KCNJ3: variants seen among roughly 807,000 people sequenced by gnomAD.
KCNJ3 encodes G protein-activated inward rectifier potassium channel 1.
Under a neutral mutation model 39.2 loss-of-function variants are expected in KCNJ3, and 4 were observed. The observed-to-expected ratio is 0.10, with a 90% CI of 0.05 to 0.23. The LOEUF (loss-of-function observed/expected upper bound fraction) is 0.23. KCNJ3 is among the 10% of genes least tolerant of loss of function. The pLI is 1.00. For synonymous variants in KCNJ3, 230 were observed against 237.4 expected, an observed-to-expected ratio of 0.97 and a Z score of 0.29; for missense variants, 276 against 634.9, an observed-to-expected ratio of 0.43 and a Z score of 6.08.
intron 2 of KCNJ3, among the ~76,000 whole-genome samples, chr2:154,782,856 C>T (rs765990233): frequency 2.0e-5 from 3 of 151,964 alleles, no homozygotes; most frequent in Non-Finnish European, 4.4e-5. Flanking sequence ...TCCTTTTGAG[C>T]CAAGAGCTCT....
At chr2:154,747,836 G>A (rs192121569) in intron 2 of KCNJ3, among the ~76,000 whole-genome samples, 10 of 152,080 alleles carry the variant, frequency 6.6e-5, no homozygotes, top group African/African-American at 2.4e-4. Flanking sequence ...TGAATACCAG[G>A]GACCTTGGTT....
intron 2 of KCNJ3, among the ~76,000 whole-genome samples, chr2:154,773,578 G>A (rs181587347): frequency 3.3e-5 from 5 of 152,168 alleles, no homozygotes; most frequent in African/African-American, 4.8e-5. Flanking sequence ...TGCCAAGGAC[G>A]ATTAAGCCAG....
intron 2 of KCNJ3, among the ~76,000 whole-genome samples, chr2:154,795,473 A>G (rs769646957): frequency 7.2e-5 from 11 of 152,000 alleles, no homozygotes; most frequent in Non-Finnish European, 1.0e-4. Flanking sequence ...GTTCATAATT[A>G]TGATGTATTT....
intron 2 of KCNJ3, among the ~76,000 whole-genome samples, chr2:154,779,642 C>T (rs1686401185): frequency 1.3e-5 from 2 of 151,278 alleles, no homozygotes; most frequent in Admixed American, 1.3e-4. Context: ...CTCCCGGGTT[C>T]AAGTGATTCT....
chr2:154,759,072 C>A (rs1044017569), intron 2 of KCNJ3, among the ~76,000 whole-genome samples: 6 of 152,276 alleles, frequency 3.9e-5, no homozygotes, highest in Admixed American at 1.3e-4. Flanking sequence ...TTTATGCTGA[C>A]TCAGGAACAG....
At chr2:154,783,320 T>TCA (rs1686472877) in intron 2 of KCNJ3, among the ~76,000 whole-genome samples, 1 of 152,218 alleles carries the variant, frequency 6.6e-6, no homozygotes, top group Non-Finnish European at 1.5e-5. Flanking sequence ...TTTGCATAAC[T>TCA]CAGGTTTTTA....
chr2:154,717,663 T>A (rs932879679), intron 2 of KCNJ3, among the ~76,000 whole-genome samples: 2 of 152,054 alleles, frequency 1.3e-5, no homozygotes, highest in Non-Finnish European at 2.9e-5. Flanking sequence ...GAATGATAAA[T>A]AAAACAGCAC....
intron 2 of KCNJ3, among the ~76,000 whole-genome samples, chr2:154,739,174 T>A (rs1685599900): frequency 6.6e-6 from 1 of 152,042 alleles, no homozygotes; most frequent in Non-Finnish European, 1.5e-5. Context: ...ATCTGTAGCA[T>A]GTGGGAGTAT....
At chr2:154,786,566 A>C (rs1686533129) in intron 2 of KCNJ3, among the ~76,000 whole-genome samples, 1 of 152,182 alleles carries the variant, frequency 6.6e-6, no homozygotes, top group Non-Finnish European at 1.5e-5. Context: ...ATTGCTTCTG[A>C]GTACTTGACA....
chr2:154,840,896 T>G (rs2105129361), intron 2 of KCNJ3, among the ~76,000 whole-genome samples: 1 of 152,312 alleles, frequency 6.6e-6, no homozygotes, highest in East Asian at 1.9e-4. Flanking sequence ...CAATTTGACT[T>G]CCTCATTTCC....
In KCNJ3 at chr2:154,831,811, C is replaced by CTT. The variant is rs1255148853; in HGVS notation, c.920-22915_920-22914dup. Among the ~76,000 whole-genome samples, 5 of 152,096 alleles carry CTT rather than the reference C, an allele frequency of 3.3e-5. No homozygotes were observed. The South Asian group carries it at 6.2e-4, about 19-fold the overall frequency. ...GGAGCACATCTAGGTGGGGATGTAT[C>CTT]TTAGTCCATTTGTGTTACTATAAAA... On this transcript the variant is annotated intron_variant, in intron 2 of 2. Transcript: ENST00000295101.
intron 2 of KCNJ3, among the ~76,000 whole-genome samples, chr2:154,717,270 G>C (rs116080468): frequency 1.3e-5 from 2 of 152,146 alleles, no homozygotes; most frequent in Non-Finnish European, 2.9e-5. Flanking sequence ...ACTGACTGGA[G>C]ATGAGCCTAG....
chr2:154,814,466 C>A (rs569067711), intron 2 of KCNJ3, among the ~76,000 whole-genome samples: 1 of 151,896 alleles, frequency 6.6e-6, no homozygotes, highest in Admixed American at 6.6e-5. Context: ...GGTGAAACCT[C>A]GTCTGTACTA....
rs1174473964 is a variant in KCNJ3, at chr2:154,857,285, G to C, written c.*1972G>C. ...ATCAGCAGTGGAAAAAAAGTGCATAGATCATTTAGTCCAAGAACTTAAAAC... is the reference window on the plus strand; with the variant it reads ...ATCAGCAGTGGAAAAAAAGTGCATACATCATTTAGTCCAAGAACTTAAAAC... On this transcript the variant is annotated 3_prime_UTR_variant, in exon 3 of 3. Coordinates refer to ENST00000295101, the MANE Select transcript of KCNJ3 (RefSeq NM_002239.4). The C allele has an allele frequency of 1.3e-5, 2 of 152,068 alleles. No homozygotes were observed. Among genetic ancestry groups the C allele is most frequent in the African/African-American group, 4.8e-5 (2 of 41,408 alleles). 9.4% of individuals were successfully genotyped at this position (152,068 alleles called of 1,614,324 possible).
In KCNJ3 at chr2:154,855,429, C is replaced by A. The variant is rs1023746267; in HGVS notation, c.*116C>A. On this transcript the variant is annotated 3_prime_UTR_variant, in exon 3 of 3. Coordinates refer to ENST00000295101, the MANE Select transcript of KCNJ3 (RefSeq NM_002239.4). ...TATATTTTCCTCCCAGTTCTACAAG[C>A]ATATTTGAGAACCCTTCCTTTCCCA... 10 of 733,214 alleles carry A rather than the reference C, an allele frequency of 1.4e-5. No individual in the cohort carries two copies. Among genetic ancestry groups the A allele is most frequent in the African/African-American group, 3.6e-5 (2 of 56,200 alleles). The allele number at this position is 733,214 out of a possible 1,614,324, so 45.4% of individuals were successfully genotyped here.
At chr2:154,721,136 T>C (rs886942982) in intron 2 of KCNJ3, among the ~76,000 whole-genome samples, 1 of 152,248 alleles carries the variant, frequency 6.6e-6, no homozygotes, top group Admixed American at 6.5e-5. Flanking sequence ...TGATTTATTC[T>C]ATTCATTCAG....
intron 2 of KCNJ3, among the ~76,000 whole-genome samples, chr2:154,814,323 A>T (rs1169980365): frequency 6.6e-6 from 1 of 152,110 alleles, no homozygotes. Context: ...TATAATCCTC[A>T]AAGTATGTAT....
intron 2 of KCNJ3, among the ~76,000 whole-genome samples, chr2:154,728,055 C>T (rs1484138795): frequency 1.3e-5 from 2 of 151,870 alleles, no homozygotes; most frequent in Non-Finnish European, 1.5e-5. Flanking sequence ...ATGAAAATAA[C>T]TTAAATATTA....
At chr2:154,771,703 A>G (rs1185216377) in intron 2 of KCNJ3, among the ~76,000 whole-genome samples, 1 of 152,190 alleles carries the variant, frequency 6.6e-6, no homozygotes. Flanking sequence ...ATGTTTTAAG[A>G]ATCCAGTAGA....
Sources: gnomAD v4.1 joint callset for allele counts (sites outside exome capture counted in the v4.1 genomes callset) on GRCh38, gnomAD v4.1.1 for gene constraint, MANE v1.5 for transcripts, NCBI Gene and HGNC (gene_info 2026-07-23, HGNC 2026-07-21) for gene names.